IPCEF1: variants seen among roughly 807,000 people sequenced by gnomAD.
IPCEF1 encodes interaction protein for cytohesin exchange factors 1, also known as interactor protein for cytohesin exchange factors 1.
Under a neutral mutation model 50.9 loss-of-function variants are expected in IPCEF1, and 31 were observed. The ratio of observed to expected loss-of-function variants is 0.61; its 90% CI spans 0.46 to 0.82. The LOEUF is 0.82. IPCEF1 is among the 40% of genes least tolerant of loss of function. IPCEF1 has a pLI of 0.00. For missense variants in IPCEF1, 458 were observed against 514.0 expected (o/e 0.89, Z 1.05); for synonymous variants, 181 against 192.0 (o/e 0.94, Z 0.47).
chr6:154,158,147 T>G lies in IPCEF1; in HGVS notation c.*1681A>C, dbSNP rs549072260. 3 of 152,380 alleles carry G rather than the reference T, an allele frequency of 2.0e-5. No homozygotes were observed. The South Asian group carries it at 6.2e-4, about 32-fold the overall frequency. The allele number at this position is 152,380 out of a possible 1,614,324, so 9.4% of individuals were successfully genotyped here. A position where few individuals can be genotyped will look rare whatever the true frequency, so the allele number is the denominator to read the frequency against. On this transcript the variant is annotated 3_prime_UTR_variant, in exon 12 of 12. Transcript: ENST00000367220. The stretch of plus-strand genomic sequence containing the variant: ...TTCTTAGTAAAGCTTGGGGAACTAT[T>G]CAACAACTATTTCCATTTTGTTTGC...
At position 154,212,757 on chromosome 6, in the gene IPCEF1, T is replaced by G; in HGVS notation, c.537+13A>C. ...TGATCGATGACCAACAGACTACTTATGTCGGTACATACCAAAGACTGAGTC... is the reference window on the plus strand; with the variant it reads ...TGATCGATGACCAACAGACTACTTAGGTCGGTACATACCAAAGACTGAGTC... On this transcript the variant is annotated intron_variant, in intron 9 of 11. Transcript: ENST00000367220. The G allele has an allele frequency of 6.4e-7, 1 of 1,570,722 alleles. No homozygotes were observed. Among genetic ancestry groups the G allele is most frequent in the Non-Finnish European group, 8.8e-7 (1 of 1,140,514 alleles).
intron 5 of IPCEF1, among the ~76,000 whole-genome samples, chr6:154,243,686 A>C (rs1225045175): frequency 1.3e-5 from 2 of 152,184 alleles, no homozygotes; most frequent in Non-Finnish European, 1.5e-5. Flanking sequence ...GGTGGTCTTA[A>C]TTGTGTCATG....
intron 3 of IPCEF1, among the ~76,000 whole-genome samples, chr6:154,265,492 G>A (rs369882293): frequency 1.3e-3 from 198 of 151,590 alleles, no homozygotes; most frequent in African/African-American, 4.3e-3. Flanking sequence ...TGTTGGCCAG[G>A]CTGGTCTCAA....
At chr6:154,188,357 A>G (rs1490956565) in intron 10 of IPCEF1, among the ~76,000 whole-genome samples, 1 of 152,260 alleles carries the variant, frequency 6.6e-6, no homozygotes, top group Admixed American at 6.5e-5. Context: ...TAAGAAAGAC[A>G]AATAAATGGA....
intron 1 of IPCEF1, among the ~76,000 whole-genome samples, chr6:154,319,834 G>A (rs1783327332): frequency 6.6e-6 from 1 of 152,178 alleles, no homozygotes; most frequent in Admixed American, 6.5e-5. Context: ...GCTCAGGCAT[G>A]GGCTTTTCTT....
rs1799556839 is a variant in IPCEF1 at position 154,167,791 on chromosome 6, T to C, written c.1104+129A>G. The C allele has an allele frequency of 1.6e-5, 10 of 644,204 alleles. No homozygotes were observed. In the Admixed American group the frequency reaches 3.0e-4, roughly 19 times the overall value. 39.9% of individuals were successfully genotyped at this position (644,204 alleles called of 1,614,324 possible). On this transcript the variant is annotated intron_variant, in intron 11 of 11. Coordinates refer to ENST00000367220, the MANE Select transcript of IPCEF1 (RefSeq NM_001130700.2). ...CAAGATCATCTTGCCCTATAAAGGTTATATTTACTTTTACAGCCCTTCCCT... is the reference window on the plus strand; with the variant it reads ...CAAGATCATCTTGCCCTATAAAGGTCATATTTACTTTTACAGCCCTTCCCT...
At chr6:154,304,431 T>C (rs1782879329) in intron 1 of IPCEF1, among the ~76,000 whole-genome samples, 1 of 152,154 alleles carries the variant, frequency 6.6e-6, no homozygotes, top group Non-Finnish European at 1.5e-5. Context: ...AATAGACAGA[T>C]AAACTTAGCA....
chr6:154,306,429 G>A (rs1361613061), intron 1 of IPCEF1, among the ~76,000 whole-genome samples: 1 of 152,036 alleles, frequency 6.6e-6, no homozygotes, highest in Admixed American at 6.6e-5. Context: ...GTAGAGACAG[G>A]GTCTCTCTAT....
chr6:154,351,180 T>C (rs1320132811), intron 1 of IPCEF1, among the ~76,000 whole-genome samples: 5 of 152,180 alleles, frequency 3.3e-5, no homozygotes, highest in African/African-American at 1.2e-4. Context: ...TTGAGCCTAA[T>C]AGAAGGCCCC....
intron 3 of IPCEF1, among the ~76,000 whole-genome samples, chr6:154,248,338 T>TGTGTAG (rs1554298775): frequency 4.7e-5 from 7 of 149,096 alleles, no homozygotes; most frequent in South Asian, 4.2e-4. Context: ...TGTGTGTGTG[T>TGTGTAG]AGAGAGAGAG....
intron 7 of IPCEF1, among the ~76,000 whole-genome samples, chr6:154,219,442 A>C (rs1778671829): frequency 6.6e-6 from 1 of 152,146 alleles, no homozygotes; most frequent in African/African-American, 2.4e-5. Context: ...GGTATTGGGC[A>C]GGGGAGAGGC....
At chr6:154,331,555 T>C (rs989700904) in intron 1 of IPCEF1, among the ~76,000 whole-genome samples, 1 of 151,890 alleles carries the variant, frequency 6.6e-6, no homozygotes, top group African/African-American at 2.4e-5. Context: ...TATAATAATT[T>C]GTTGCAGTCA....
At chr6:154,346,771 T>C (rs1784037674) in intron 1 of IPCEF1, among the ~76,000 whole-genome samples, 1 of 152,178 alleles carries the variant, frequency 6.6e-6, no homozygotes, top group African/African-American at 2.4e-5. Context: ...CTCACTATCA[T>C]GAGAACAACA....
chr6:154,296,767 T>C (rs1258362313), intron 1 of IPCEF1, among the ~76,000 whole-genome samples: 1 of 148,784 alleles, frequency 6.7e-6, no homozygotes, highest in Non-Finnish European at 1.5e-5. Context: ...AGGCGGAGTT[T>C]GCAGTGAGCG....
intron 10 of IPCEF1, among the ~76,000 whole-genome samples, chr6:154,179,031 G>GC: frequency 6.6e-6 from 1 of 152,330 alleles, no homozygotes; most frequent in African/African-American, 2.4e-5. Context: ...GATGCACTGT[G>GC]CCCCAGGTCC....
intron 1 of IPCEF1, among the ~76,000 whole-genome samples, chr6:154,296,018 T>C (rs553874916): frequency 6.6e-6 from 1 of 152,150 alleles, no homozygotes; most frequent in Non-Finnish European, 1.5e-5. Flanking sequence ...AAAATATTAG[T>C]CCCAAATTAT....
At chr6:154,170,245 T>G (rs1799766557) in intron 10 of IPCEF1, among the ~76,000 whole-genome samples, 1 of 152,000 alleles carries the variant, frequency 6.6e-6, no homozygotes, top group South Asian at 2.1e-4. Flanking sequence ...CACATACTCC[T>G]TAATGTTTAT....
At chr6:154,303,260 C>T (rs901457446) in intron 1 of IPCEF1, among the ~76,000 whole-genome samples, 1 of 151,738 alleles carries the variant, frequency 6.6e-6, no homozygotes, top group African/African-American at 2.4e-5. Flanking sequence ...CCCGGGTAAT[C>T]TTTGTATTTT....
intron 3 of IPCEF1, among the ~76,000 whole-genome samples, chr6:154,250,576 G>A (rs548037179): frequency 6.6e-6 from 1 of 152,118 alleles, no homozygotes; most frequent in Admixed American, 6.5e-5. Flanking sequence ...AAAAACACAT[G>A]GAAATATACA....
Sources: gnomAD v4.1 joint callset for allele counts (sites outside exome capture counted in the v4.1 genomes callset) on GRCh38, gnomAD v4.1.1 for gene constraint, MANE v1.5 for transcripts, NCBI Gene and HGNC (gene_info 2026-07-23, HGNC 2026-07-21) for gene names.